The following TEC variants were observed in gnomAD, a reference collection of about 807,000 sequenced individuals.
TEC encodes tec protein tyrosine kinase.
In TEC, 72 loss-of-function variants were observed where a neutral mutation model predicts 93.0. The ratio of observed to expected loss-of-function variants is 0.77; its 90% CI spans 0.64 to 0.94. TEC has a LOEUF of 0.94. Ranked by LOEUF, TEC falls within the 40% of genes least tolerant of loss-of-function variation. TEC has a pLI of 0.00. For missense variants in TEC, 630 were observed against 757.9 expected (o/e 0.83, Z 1.98); for synonymous variants, 249 against 247.7 (o/e 1.01, Z -0.05).
chr4:48,249,315 T>C (rs761641725), intron 1 of TEC, among the ~76,000 whole-genome samples: 4 of 152,164 alleles, frequency 2.6e-5, no homozygotes, highest in Non-Finnish European at 5.9e-5. Context: ...ATTCAAGAAA[T>C]AGGAATAAAG....
chr4:48,255,695 A>C (rs1403634773), intron 1 of TEC, among the ~76,000 whole-genome samples: 1 of 152,222 alleles, frequency 6.6e-6, no homozygotes, highest in Admixed American at 6.5e-5. Context: ...CAGGTTCCTC[A>C]TTGTAAAATA....
chr4:48,158,596 G>A (rs1452567491), intron 8 of TEC, among the ~76,000 whole-genome samples: 2 of 152,268 alleles, frequency 1.3e-5, no homozygotes, highest in Admixed American at 1.3e-4. Context: ...AGCAGGATTT[G>A]AGAGACTGAA....
chr4:48,148,387 A>G (rs890536191), intron 11 of TEC, among the ~76,000 whole-genome samples: 1 of 152,212 alleles, frequency 6.6e-6, no homozygotes, highest in Non-Finnish European at 1.5e-5. Context: ...ATCCCTGCCC[A>G]GTTACATTTT....
At chr4:48,253,239 T>C (rs1374057622) in intron 1 of TEC, among the ~76,000 whole-genome samples, 1 of 152,236 alleles carries the variant, frequency 6.6e-6, no homozygotes, top group Non-Finnish European at 1.5e-5. Context: ...ATACCTAGTA[T>C]GTAGCTGTCG....
intron 1 of TEC, among the ~76,000 whole-genome samples, chr4:48,236,279 C>CTTTTTT (rs59024899): frequency 2.7e-5 from 4 of 148,802 alleles, no homozygotes; most frequent in Non-Finnish European, 6.0e-5. Flanking sequence ...TTACAAACAG[C>CTTTTTT]TTTTTTTTTT....
chr4:48,213,092 T>C (rs759345864), intron 2 of TEC, among the ~76,000 whole-genome samples: 22 of 152,228 alleles, frequency 1.4e-4, no homozygotes, highest in Non-Finnish European at 3.1e-4. Context: ...CACCTATCCA[T>C]GTGACTTTCG....
intron 7 of TEC, among the ~76,000 whole-genome samples, chr4:48,165,805 C>T (rs1024835259): frequency 6.6e-6 from 1 of 152,134 alleles, no homozygotes; most frequent in African/African-American, 2.4e-5. Flanking sequence ...AACCAAAATG[C>T]AGTGTGTGGG....
In TEC at chr4:48,241,275, C is replaced by T. The variant is rs966592673; in HGVS notation, c.-45-12616G>A. ...CTCTTCTCATGGGTCTATGTCACCT[C>T]CCCTTGAATTGGAGTAGGCTTATGA... On this transcript the variant is annotated intron_variant, in intron 1 of 17. Coordinates refer to ENST00000381501, the MANE Select transcript of TEC (RefSeq NM_003215.3). Among the ~76,000 whole-genome samples, 177 of 148,710 alleles carry T rather than the reference C, an allele frequency of 1.2e-3. 1 individual carries two copies. The highest frequency in any genetic ancestry group is 4.2e-3 in the African/African-American group (173 of 41,306).
chr4:48,212,342 G>C (rs778141009), intron 2 of TEC, among the ~76,000 whole-genome samples: 2 of 152,012 alleles, frequency 1.3e-5, no homozygotes, highest in Non-Finnish European at 1.5e-5. Flanking sequence ...GGAAACATAT[G>C]AATAGAGGTG....
intron 2 of TEC, among the ~76,000 whole-genome samples, chr4:48,199,654 A>AATACT (rs1722432425): frequency 6.6e-6 from 1 of 151,904 alleles, no homozygotes; most frequent in Admixed American, 6.5e-5. Flanking sequence ...TTATTAGTAG[A>AATACT]AATGAGGTTT....
At chr4:48,159,943 C>T (rs1488898786) in intron 8 of TEC, among the ~76,000 whole-genome samples, 1 of 152,162 alleles carries the variant, frequency 6.6e-6, no homozygotes, top group East Asian at 1.9e-4. Context: ...ATCTCTACCT[C>T]CATAATCCAA....
intron 1 of TEC, among the ~76,000 whole-genome samples, chr4:48,269,105 G>C (rs1169657465): frequency 6.6e-6 from 1 of 152,102 alleles, no homozygotes; most frequent in East Asian, 1.9e-4. Flanking sequence ...CGAGGTGGGC[G>C]GGGTATTGGG....
At chr4:48,254,244 C>T (rs1156322057) in intron 1 of TEC, among the ~76,000 whole-genome samples, 1 of 152,102 alleles carries the variant, frequency 6.6e-6, no homozygotes, top group East Asian at 1.9e-4. Context: ...GGGAGAATGA[C>T]AAAGAGGTTG....
chr4:48,245,381 AAAGACTTCACGTACACG>A (rs2109661931), intron 1 of TEC, among the ~76,000 whole-genome samples: 2 of 152,322 alleles, frequency 1.3e-5, no homozygotes, highest in African/African-American at 4.8e-5. Context: ...TGTCATCCAA[AAAGACTTCACGTACACG>A]TGTATACACA....
chr4:48,155,244 C>T (rs116661836), intron 9 of TEC, among the ~76,000 whole-genome samples: 2,456 of 152,288 alleles, frequency 0.016, 20 homozygotes, highest in Non-Finnish European at 0.026. Flanking sequence ...AATGTTTCTT[C>T]TATTGTAAAA....
At chr4:48,259,277 T>C (rs1030534821) in intron 1 of TEC, among the ~76,000 whole-genome samples, 4 of 152,188 alleles carry the variant, frequency 2.6e-5, no homozygotes, top group Non-Finnish European at 5.9e-5. Context: ...TAGAAATCCA[T>C]GCAAGGTAAT....
chr4:48,247,984 G>A (rs1051938005), intron 1 of TEC, among the ~76,000 whole-genome samples: 14 of 152,226 alleles, frequency 9.2e-5, no homozygotes, highest in Admixed American at 7.2e-4. Context: ...GGAAAACAGA[G>A]TGGAACTCAG....
chr4:48,262,201 C>CTTTTTTTTTTTTT (rs10659576), intron 1 of TEC, among the ~76,000 whole-genome samples: 26,705 of 78,740 alleles, frequency 0.34, 7,872 homozygotes, highest in Non-Finnish European at 0.44. Flanking sequence ...CCAAATGTCT[C>CTTTTTTTTTTTTT]TTTTTTTTTT....
chr4:48,269,808 C>T lies in TEC; in HGVS notation c.-102G>A, dbSNP rs1272946836. 1 of 152,228 alleles carries T rather than the reference C, an allele frequency of 6.6e-6. No homozygotes were observed. The highest frequency in any genetic ancestry group is 1.5e-5 in the Non-Finnish European group (1 of 68,072). The allele number at this position is 152,228 out of a possible 1,614,324, so 9.4% of individuals were successfully genotyped here. On this transcript the variant is annotated 5_prime_UTR_variant, in exon 1 of 18. Transcript: ENST00000381501. ...GGGAGACTGCGAGGTGCAGTCTGCG[C>T]CGCGGAGTCCGGAGCCTAGCGCCCC... is the stretch of plus-strand genomic sequence containing the variant.
Sources: allele counts gnomAD v4.1 joint callset (sites outside exome capture counted in the v4.1 genomes callset), GRCh38; gene constraint gnomAD v4.1.1; transcripts MANE v1.5; gene names NCBI Gene and HGNC (gene_info 2026-07-23, HGNC 2026-07-21).